MAGI1: variants seen among roughly 807,000 people sequenced by gnomAD.
The protein encoded by MAGI1 is membrane associated guanylate kinase, WW and PDZ domain containing 1, also known as membrane-associated guanylate kinase, WW and PDZ domain-containing protein 1.
MAGI1 carries 58 observed loss-of-function variants against 139.9 expected under a neutral mutation model. The ratio of observed to expected loss-of-function variants is 0.41; its 90% confidence interval spans 0.34 to 0.52. The LOEUF (loss-of-function observed/expected upper bound fraction) is 0.52. Ranked by LOEUF, MAGI1 falls within the 20% of genes least tolerant of loss-of-function variation. The pLI, the probability that MAGI1 is intolerant of heterozygous loss-of-function variation, is 0.12. For missense variants in MAGI1, 1,874 were observed against 1,901.6 expected, an observed-to-expected ratio of 0.99 and a Z score of 0.27; for synonymous variants, 812 against 737.9, an observed-to-expected ratio of 1.10 and a Z score of -1.63.
At chr3:65,655,059 C>T (rs1234105847) in intron 1 of MAGI1, among the ~76,000 whole-genome samples, 1 of 152,148 alleles carries the variant, frequency 6.6e-6, no homozygotes, top group Non-Finnish European at 1.5e-5. Flanking sequence ...ATAGCAAGCC[C>T]AGTTGCAAAC....
intron 5 of MAGI1, among the ~76,000 whole-genome samples, chr3:65,459,695 G>C (rs940815947): frequency 3.3e-5 from 5 of 152,218 alleles, no homozygotes; most frequent in African/African-American, 7.2e-5. Context: ...GGCTGAGGCA[G>C]GTAGATTTCT....
chr3:65,792,518 A>C (rs1559887343), intron 1 of MAGI1, among the ~76,000 whole-genome samples: 1 of 152,152 alleles, frequency 6.6e-6, no homozygotes, highest in Non-Finnish European at 1.5e-5. Context: ...TTTTTATTAA[A>C]ACTAATAGAA....
rs75787091 is a variant in MAGI1 at position 65,615,309 on chromosome 3, C to T, written c.430+6663G>A. Among the ~76,000 whole-genome samples, 569 of 152,226 alleles carry T rather than the reference C, an allele frequency of 3.7e-3. 7 individuals are homozygous for T. Among genetic ancestry groups the T allele is most frequent in the African/African-American group, 0.013 (550 of 41,534 alleles). On this transcript the variant is annotated intron_variant, in intron 2 of 22. Coordinates refer to ENST00000402939, the MANE Select transcript of MAGI1 (RefSeq NM_001033057.2). Reference sequence around the variant, plus strand: ...CAAATCTCAAAACCACTGTCTTCCCCGTGAGACCCACCCAAAGATTTCCAG... The same window carrying T: ...CAAATCTCAAAACCACTGTCTTCCCTGTGAGACCCACCCAAAGATTTCCAG...
rs1443920360 is a variant in MAGI1 at position 65,897,495 on chromosome 3, A to T, written c.313+140501T>A. Among the ~76,000 whole-genome samples the T allele has an allele frequency of 2.6e-5, 4 of 152,100 alleles. No individual in the cohort carries two copies. In the East Asian group the frequency reaches 7.7e-4, roughly 29 times the overall value. On this transcript the variant is annotated intron_variant, in intron 1 of 22. Coordinates refer to ENST00000402939, the MANE Select transcript of MAGI1 (RefSeq NM_001033057.2). ...GGGTGGGGGGCAGGGGCGGAATAGC[A>T]TTAGGAGAAATACCTAATGTAAATG...
chr3:65,984,457 A>G (rs772837744), intron 1 of MAGI1, among the ~76,000 whole-genome samples: 26 of 151,852 alleles, frequency 1.7e-4, no homozygotes, highest in Non-Finnish European at 3.4e-4. Flanking sequence ...CTGCATGTTC[A>G]TATTTCCCCT....
intron 1 of MAGI1, among the ~76,000 whole-genome samples, chr3:65,668,553 C>CTTTTTT (rs1348426775): frequency 7.4e-6 from 1 of 134,726 alleles, no homozygotes; most frequent in Non-Finnish European, 1.5e-5. Context: ...CCATTTAGTC[C>CTTTTTT]TTTTTTTTCT....
At chr3:65,454,789 T>A (rs1366963915) in intron 5 of MAGI1, among the ~76,000 whole-genome samples, 2 of 150,266 alleles carry the variant, frequency 1.3e-5, no homozygotes, top group African/African-American at 4.9e-5. Context: ...TCATATCAAC[T>A]GTGTTAAAAT....
At chr3:65,824,634 T>G (rs1203342968) in intron 1 of MAGI1, among the ~76,000 whole-genome samples, 1 of 152,176 alleles carries the variant, frequency 6.6e-6, no homozygotes, top group Non-Finnish European at 1.5e-5. Flanking sequence ...ATTAATGAAT[T>G]CATGAATTGA....
At position 65,665,860 on chromosome 3, in the gene MAGI1, C is replaced by T. The variant is rs1432578243; in HGVS notation, c.314-43772G>A. On this transcript the variant is annotated intron_variant, in intron 1 of 22. Coordinates refer to ENST00000402939, the MANE Select transcript of MAGI1 (RefSeq NM_001033057.2). ...GAACCACTGTGATACATCATGCTAA[C>T]AAAACCAACAAAAATCTTTAAAAAA... 2.0e-5 allele frequency among the ~76,000 whole-genome samples: 3 copies of T among 152,252 alleles called. No individual in the cohort carries two copies. In the East Asian group the frequency reaches 5.8e-4, roughly 29 times the overall value.
chr3:65,670,461 T>G (rs542919427), intron 1 of MAGI1, among the ~76,000 whole-genome samples: 1 of 152,068 alleles, frequency 6.6e-6, no homozygotes, highest in African/African-American at 2.4e-5. Flanking sequence ...TTTATGTAGG[T>G]TTCATGAAAA....
chr3:65,837,186 G>A (rs559172019), intron 1 of MAGI1, among the ~76,000 whole-genome samples: 1 of 152,126 alleles, frequency 6.6e-6, no homozygotes, highest in African/African-American at 2.4e-5. Flanking sequence ...GCTCCAAGAA[G>A]ACACAGGTAA....
chr3:65,382,043 C>T lies in MAGI1; in HGVS notation c.2535G>A (p.Leu845=). The part of the protein sequence containing the change: ...EPIYIGHIVP[L]GAADTDGRLR... ...GGCGGCCGTCAGTATCAGCAGCACC[C>T]AGTGGTACGATGTGACCAATATAAA... Residue 845 remains leucine, a synonymous_variant, in exon 16 of 23, where the codon CTG becomes CTA. Coordinates refer to ENST00000402939, the MANE Select transcript of MAGI1 (RefSeq NM_001033057.2). 1 of 1,613,456 alleles carries T rather than the reference C, an allele frequency of 6.2e-7. No individual in the cohort carries two copies. Among genetic ancestry groups the T allele is most frequent in the Non-Finnish European group, 8.5e-7 (1 of 1,179,760 alleles).
intron 12 of MAGI1, among the ~76,000 whole-genome samples, chr3:65,422,724 T>C (rs943393671): frequency 2.0e-5 from 3 of 151,866 alleles, no homozygotes; most frequent in Non-Finnish European, 4.4e-5. Flanking sequence ...TGCTGCTTGA[T>C]TTATGAGGAA....
At chr3:65,374,776 G>A (rs1250482079) in intron 18 of MAGI1, among the ~76,000 whole-genome samples, 2 of 152,270 alleles carry the variant, frequency 1.3e-5, no homozygotes, top group East Asian at 3.9e-4. Context: ...CAATGCCAAT[G>A]TTCCCTGGGG....
intron 1 of MAGI1, among the ~76,000 whole-genome samples, chr3:65,831,673 G>A (rs1174978006): frequency 6.6e-6 from 1 of 151,934 alleles, no homozygotes; most frequent in Admixed American, 6.6e-5. Flanking sequence ...AAACTCATGA[G>A]GCCAAAACAA....
intron 1 of MAGI1, among the ~76,000 whole-genome samples, chr3:65,692,365 T>C (rs2088754440): frequency 6.6e-6 from 1 of 152,212 alleles, no homozygotes; most frequent in Non-Finnish European, 1.5e-5. Context: ...AGAACTATAC[T>C]AGGTGATGGG....
chr3:65,892,102 A>T (rs907733396), intron 1 of MAGI1, among the ~76,000 whole-genome samples: 1 of 151,540 alleles, frequency 6.6e-6, no homozygotes, highest in South Asian at 2.1e-4. Context: ...CTTTAATTAG[A>T]GTCTCTGAAA....
At chr3:65,719,709 C>T (rs1352686017) in intron 1 of MAGI1, among the ~76,000 whole-genome samples, 1 of 152,046 alleles carries the variant, frequency 6.6e-6, no homozygotes, top group Non-Finnish European at 1.5e-5. Flanking sequence ...CCATGCCAGG[C>T]TAATTTTTGT....
intron 1 of MAGI1, among the ~76,000 whole-genome samples, chr3:65,958,198 C>A (rs749163073): frequency 6.6e-6 from 1 of 152,190 alleles, no homozygotes; most frequent in African/African-American, 2.4e-5. Flanking sequence ...TAGGGACATT[C>A]ATAAAACCTT....
Sources: allele counts gnomAD v4.1 joint callset (sites outside exome capture counted in the v4.1 genomes callset), GRCh38; gene constraint gnomAD v4.1.1; transcripts MANE v1.5; gene names NCBI Gene and HGNC (gene_info 2026-07-23, HGNC 2026-07-21).